The following MACROD2 variants were observed in gnomAD, a reference collection of about 807,000 sequenced individuals.
MACROD2 encodes the protein mono-ADP ribosylhydrolase 2, also known as ADP-ribose glycohydrolase MACROD2.
Under a neutral mutation model 70.4 loss-of-function variants are expected in MACROD2, and 36 were observed. The observed-to-expected ratio is 0.51, with a 90% CI of 0.39 to 0.68. The LOEUF (loss-of-function observed/expected upper bound fraction) is 0.68, where lower values mean the gene tolerates loss of function less well. Ranked by LOEUF, MACROD2 falls within the 30% of genes least tolerant of loss-of-function variation. The pLI, the probability that MACROD2 is intolerant of heterozygous loss-of-function variation, is 0.00. For missense variants in MACROD2, 496 were observed against 538.4 expected (o/e 0.92, Z 0.78); for synonymous variants, 172 against 178.8 (o/e 0.96, Z 0.30).
At position 15,566,483 on chromosome 20, in the gene MACROD2, G is replaced by T. The variant is rs892642341; in HGVS notation, c.645+66636G>T. Among the ~76,000 whole-genome samples, 5 of 150,454 alleles carry T rather than the reference G, an allele frequency of 3.3e-5. No homozygotes were observed. The East Asian group carries it at 7.8e-4, about 23-fold the overall frequency. On this transcript the variant is annotated intron_variant, in intron 8 of 17. Transcript: ENST00000684519. ...ACTGCACTCCAACCTGGGCAACAGA[G>T]TGAGACTCTGTCTCCAAAAAAAAAA...
intron 5 of MACROD2, among the ~76,000 whole-genome samples, chr20:14,721,826 TC>T (rs1316622485): frequency 6.6e-6 from 1 of 152,206 alleles, no homozygotes; most frequent in African/African-American, 2.4e-5. Context: ...GATAGGCTTT[TC>T]CTTGTTACCT....
chr20:15,263,577 C>A (rs891062098), intron 6 of MACROD2, among the ~76,000 whole-genome samples: 1 of 151,914 alleles, frequency 6.6e-6, no homozygotes, highest in Non-Finnish European at 1.5e-5. Flanking sequence ...ACGTCATTGG[C>A]ATTTTTTATA....
At chr20:14,618,518 G>A (rs1385548839) in intron 4 of MACROD2, among the ~76,000 whole-genome samples, 1 of 152,064 alleles carries the variant, frequency 6.6e-6, no homozygotes, top group Non-Finnish European at 1.5e-5. Context: ...TATATTGTTG[G>A]CACTCAATCT....
chr20:15,900,133 A>T (rs1426233325), intron 10 of MACROD2, among the ~76,000 whole-genome samples: 1 of 152,122 alleles, frequency 6.6e-6, no homozygotes, highest in Non-Finnish European at 1.5e-5. Context: ...CATAAGCACG[A>T]TTTTTAATTT....
chr20:15,891,055 C>A (rs969253591), intron 10 of MACROD2, among the ~76,000 whole-genome samples: 1 of 152,056 alleles, frequency 6.6e-6, no homozygotes, highest in African/African-American at 2.4e-5. Flanking sequence ...AGGGATACAC[C>A]AGAGAGTGAG....
At chr20:15,688,602 A>G (rs2050258181) in intron 8 of MACROD2, among the ~76,000 whole-genome samples, 1 of 152,260 alleles carries the variant, frequency 6.6e-6, no homozygotes, top group African/African-American at 2.4e-5. Flanking sequence ...GTGATTCCAT[A>G]TTCTTCTAAA....
At chr20:13,996,833 G>A (rs915683885) in intron 1 of MACROD2, among the ~76,000 whole-genome samples, 9 of 152,186 alleles carry the variant, frequency 5.9e-5, no homozygotes, top group African/African-American at 2.2e-4. Context: ...TATAGCAAGG[G>A]TGAGGTCTAT....
intron 4 of MACROD2, among the ~76,000 whole-genome samples, chr20:14,522,180 C>T (rs143459072): frequency 4.1e-4 from 63 of 152,122 alleles, no homozygotes; most frequent in Middle Eastern, 3.4e-3. Flanking sequence ...TATTTGAAAA[C>T]GATTGGGTTA....
At chr20:15,850,122 G>A (rs1448743531) in intron 8 of MACROD2, among the ~76,000 whole-genome samples, 1 of 152,160 alleles carries the variant, frequency 6.6e-6, no homozygotes, top group Non-Finnish European at 1.5e-5. Context: ...TCTCCCAAAA[G>A]CAGACCCTAA....
At chr20:15,767,489 T>C (rs917160522) in intron 8 of MACROD2, among the ~76,000 whole-genome samples, 1 of 152,384 alleles carries the variant, frequency 6.6e-6, no homozygotes, top group Non-Finnish European at 1.5e-5. Context: ...GATTTGCAAC[T>C]CATGCTGACA....
At chr20:14,274,300 A>G (rs2082228662) in intron 3 of MACROD2, among the ~76,000 whole-genome samples, 1 of 152,192 alleles carries the variant, frequency 6.6e-6, no homozygotes, top group African/African-American at 2.4e-5. Flanking sequence ...ATCCACCATG[A>G]TCAAGTGGGC....
At chr20:15,429,734 TA>T (rs376760543) in intron 6 of MACROD2, among the ~76,000 whole-genome samples, 7 of 151,696 alleles carry the variant, frequency 4.6e-5, no homozygotes, top group Admixed American at 2.6e-4. Context: ...GCCAGTAACT[TA>T]AAAAAAAATT....
At chr20:15,212,740 G>A (rs1601237095) in intron 5 of MACROD2, among the ~76,000 whole-genome samples, 1 of 152,162 alleles carries the variant, frequency 6.6e-6, no homozygotes, top group Non-Finnish European at 1.5e-5. Context: ...TAAGAGAGCT[G>A]TACACTGCCA....
intron 5 of MACROD2, among the ~76,000 whole-genome samples, chr20:14,912,868 G>T (rs941851854): frequency 2.0e-5 from 3 of 152,116 alleles, no homozygotes; most frequent in Non-Finnish European, 4.4e-5. Context: ...TCACTGTGGG[G>T]GCTCATCTAT....
chr20:14,183,122 G>A (rs1056596159), intron 3 of MACROD2, among the ~76,000 whole-genome samples: 2 of 149,350 alleles, frequency 1.3e-5, no homozygotes, highest in African/African-American at 4.9e-5. Context: ...TTCATCACCC[G>A]GGTATTAAGC....
chr20:15,825,616 T>G (rs73898514), intron 8 of MACROD2, among the ~76,000 whole-genome samples: 18,634 of 151,994 alleles, frequency 0.12, 1,262 homozygotes, highest in African/African-American at 0.14. Context: ...TAAAATGGTT[T>G]TTTAAAGCCA....
intron 2 of MACROD2, among the ~76,000 whole-genome samples, chr20:14,054,151 G>T (rs982818412): frequency 6.6e-6 from 1 of 151,298 alleles, no homozygotes; most frequent in Non-Finnish European, 1.5e-5. Context: ...CCACCACATT[G>T]AGTGGGGAAA....
At chr20:15,468,663 G>T (rs2046927010) in intron 7 of MACROD2, among the ~76,000 whole-genome samples, 1 of 152,108 alleles carries the variant, frequency 6.6e-6, no homozygotes, top group Non-Finnish European at 1.5e-5. Context: ...CCTTTTGTGT[G>T]CTTCTTTTAT....
At chr20:15,910,644 T>C (rs1357910076) in intron 10 of MACROD2, among the ~76,000 whole-genome samples, 1 of 152,182 alleles carries the variant, frequency 6.6e-6, no homozygotes, top group Non-Finnish European at 1.5e-5. Flanking sequence ...GAACGCAGAA[T>C]GGCTGAAGCC....
Sources: gnomAD v4.1 joint callset for allele counts (sites outside exome capture counted in the v4.1 genomes callset) on GRCh38, gnomAD v4.1.1 for gene constraint, MANE v1.5 for transcripts, NCBI Gene and HGNC (gene_info 2026-07-23, HGNC 2026-07-21) for gene names.